PLCD1: variants seen among roughly 807,000 people sequenced by gnomAD.
PLCD1 encodes phospholipase C delta 1, also known as 1-phosphatidylinositol 4,5-bisphosphate phosphodiesterase delta-1.
A neutral mutation model predicts 87.4 loss-of-function variants in PLCD1; 71 were observed. The observed-to-expected ratio is 0.81, with a 90% CI of 0.67 to 0.99. The LOEUF (loss-of-function observed/expected upper bound fraction) is 0.99. Among genes scored for constraint, PLCD1 ranks in the 50% least tolerant of loss-of-function variants. PLCD1 has a pLI of 0.00. For missense variants in PLCD1, 867 were observed against 1,001.5 expected (o/e 0.87, Z 1.81); for synonymous variants, 348 against 399.2 (o/e 0.87, Z 1.53).
Position 38,011,455 on chromosome 3 carries a change from C to G in PLCD1, c.559-10G>C. 1.2e-6 allele frequency: 2 copies of G among 1,613,876 alleles called. No individual in the cohort carries two copies. The highest frequency in any genetic ancestry group is 1.7e-6 in the Non-Finnish European group (2 of 1,179,722). The stretch of plus-strand genomic sequence containing the variant: ...GGGAGTGGTCACACTCCTGCAGAGC[C>G]AGGACAGCCGAGTGGGCTCAGAGCA... On this transcript the variant is annotated splice_polypyrimidine_tract_variant and intron_variant, in intron 4 of 14. Coordinates refer to ENST00000334661, the MANE Select transcript of PLCD1 (RefSeq NM_006225.4).
chr3:38,011,766 G>T, intron 3 of PLCD1, 93 bp from the exon 4 acceptor site: 3 of 1,249,488 alleles, frequency 2.4e-6, no homozygotes, highest in East Asian at 2.3e-5. Flanking sequence ...GCCACCTATA[G>T]CCACAGCTCC....
intron 3 of PLCD1, among the ~76,000 whole-genome samples, chr3:38,012,516 G>GTTTTT (rs1207854387): frequency 1.5e-5 from 2 of 134,658 alleles, no homozygotes; most frequent in African/African-American, 2.7e-5. Flanking sequence ...TTAGAATGAA[G>GTTTTT]TTTTTTTTTT....
Position 38,025,295 on chromosome 3 carries a change from G to T in PLCD1, c.34+4211C>A, listed in dbSNP as rs1269747105. Among the ~76,000 whole-genome samples, 3 of 152,212 alleles carry T rather than the reference G, an allele frequency of 2.0e-5. No homozygotes were observed. The highest frequency in any genetic ancestry group is 7.2e-5 in the African/African-American group (3 of 41,460). ...GGTCTGACCAAGGAGCCGGAGCGGCGAATTCTAACGCCACCTTTGAGGCTG... is the reference window on the plus strand; with the variant it reads ...GGTCTGACCAAGGAGCCGGAGCGGCTAATTCTAACGCCACCTTTGAGGCTG... On this transcript the variant is annotated intron_variant, in intron 1 of 14. Coordinates refer to ENST00000334661, the MANE Select transcript of PLCD1 (RefSeq NM_006225.4). This position sits in a 1 kb window ranked among gnomAD's most constrained non-coding sequence, Gnocchi z 4.0.
At chr3:38,024,353 G>C (rs772670157) in intron 1 of PLCD1, 1 of 1,612,872 alleles carries the variant, frequency 6.2e-7, no homozygotes, top group South Asian at 1.1e-5. Flanking sequence ...TCCGTCCATT[G>C]AGCGCCGCCA....
At chr3:38,024,387 T>TAG in intron 1 of PLCD1, 1 of 1,612,868 alleles carries the variant, frequency 6.2e-7, no homozygotes, top group Non-Finnish European at 8.5e-7. Context: ...CTCCTGCAGG[T>TAG]AGAGCTCCCT....
At chr3:38,024,269 T>G (rs539967344) in intron 1 of PLCD1, 2 of 1,408,976 alleles carry the variant, frequency 1.4e-6, no homozygotes, top group Non-Finnish European at 2.0e-6. Context: ...AAGGGACAAG[T>G]GGTCGGCGTC....
At chr3:38,011,023 T>G (rs1700064328) in intron 5 of PLCD1, among the ~76,000 whole-genome samples, 191 bp downstream of exon 5, 2 of 152,078 alleles carry the variant, frequency 1.3e-5, no homozygotes, top group African/African-American at 4.8e-5. Flanking sequence ...CAGAGAAGGG[T>G]AGGGATGCCA....
Position 38,009,975 on chromosome 3 carries a change from G to A in PLCD1, c.1216C>T (p.His406Tyr). The A allele has an allele frequency of 6.2e-7, 1 of 1,613,972 alleles. No homozygotes were observed. Among genetic ancestry groups the A allele is most frequent in the South Asian group, 1.1e-5 (1 of 91,076 alleles). Reference sequence around the variant, plus strand: ...AACAGCATGGGGCCCAGGATGGCATGCAGGTGCCGCGCCATCACGCGCTGC... The same window carrying A: ...AACAGCATGGGGCCCAGGATGGCATACAGGTGCCGCGCCATCACGCGCTGC... ...EQQRVMARHL[H>Y]AILGPMLLNR... is the part of the protein sequence containing the mutation. Residue 406 changes from histidine to tyrosine, a missense_variant, in exon 8 of 15, where the codon CAT becomes TAT. By Grantham distance (83) the His-to-Tyr change is moderately conservative. Coordinates refer to ENST00000334661, the MANE Select transcript of PLCD1 (RefSeq NM_006225.4).
chr3:38,011,354 G>C lies in PLCD1; in HGVS notation c.650C>G (p.Thr217Ser), dbSNP rs116413867. The change falls in exon 5 of 15, where the codon ACC becomes AGC. Residue 217 changes from threonine to serine, a missense_variant. Transcript: ENST00000334661. ...CCCTGAGCCCGCGGCCTCGGCGAAG[G>C]TGCGGTCGATCTCCACCCGCTGGGT... The part of the protein sequence containing the change: ...MLTQRVEIDR[T>S]FAEAAGSGET... The C allele has an allele frequency of 1.9e-6, 3 of 1,612,772 alleles. No individual in the cohort carries two copies. The African/African-American group carries it at 4.0e-5, about 22-fold the overall frequency.
intron 3 of PLCD1, chr3:38,014,446 T>C (rs60847280): frequency 0.036 from 5,501 of 153,824 alleles, 140 homozygotes; most frequent in African/African-American, 0.075. Flanking sequence ...AATCCCAGAA[T>C]TTTGGATTAG....
rs762324329 is a variant in PLCD1 at position 38,020,323 on chromosome 3, G to A, written c.64C>T (p.Leu22=). 1.9e-6 allele frequency: 3 copies of A among 1,614,066 alleles called. No homozygotes were observed. In the South Asian group the frequency reaches 3.3e-5, roughly 18 times the overall value. Residue 22 remains leucine, a synonymous_variant, in exon 2 of 15, where the codon CTG becomes TTG. Transcript: ENST00000334661. The part of the protein sequence containing the change: ...GLQDDEDLQA[L]LKGSQLLKVK... ...TTCAGGAGCTGGCTGCCCTTCAGCA[G>A]CGCCTGTAGATCCTCATCATCCTGT... is the stretch of plus-strand genomic sequence containing the variant.
In PLCD1 at chr3:38,008,438, C is replaced by T; in HGVS notation, c.1902+20G>A. The T allele has an allele frequency of 6.2e-7, 1 of 1,614,018 alleles. No individual in the cohort carries two copies. The highest frequency in any genetic ancestry group is 8.5e-7 in the Non-Finnish European group (1 of 1,179,908). ...GGAAGGGAGGTCCGTGGGCACCTGT[C>T]CCTCCTAGGTCCAGCGTACCCTGAT... On this transcript the variant is annotated intron_variant, in intron 12 of 14. Coordinates refer to ENST00000334661, the MANE Select transcript of PLCD1 (RefSeq NM_006225.4).
At chr3:38,024,576 T>TG in intron 1 of PLCD1, 1 of 1,505,816 alleles carries the variant, frequency 6.6e-7, no homozygotes, top group Non-Finnish European at 8.9e-7. Context: ...AGTCCAGGAA[T>TG]GGGAGGGAGG....
chr3:38,016,439 C>T (rs1700155283), intron 3 of PLCD1, 52 bp downstream of exon 3: 8 of 1,301,144 alleles, frequency 6.1e-6, no homozygotes, highest in Non-Finnish European at 7.7e-6. Flanking sequence ...TGGGGATAAC[C>T]ACAGCCAGTG....
chr3:38,008,922 C>T, intron 11 of PLCD1, 120 bp downstream of exon 11: 1 of 802,138 alleles, frequency 1.2e-6, no homozygotes, highest in Non-Finnish European at 2.1e-6. Flanking sequence ...TCCACAAGCC[C>T]CTGCATTTGA....
chr3:38,013,927 A>G (rs550634873), intron 3 of PLCD1, among the ~76,000 whole-genome samples: 67 of 152,402 alleles, frequency 4.4e-4, no homozygotes, highest in African/African-American at 1.5e-3. Context: ...AGGAGTGGAC[A>G]TACACCAGCA....
chr3:38,024,461 G>A (rs1407648647), intron 1 of PLCD1: 8 of 1,599,914 alleles, frequency 5.0e-6, no homozygotes, highest in East Asian at 4.5e-5. Context: ...CTGCCTGCGC[G>A]GAGCCGGGTC....
rs774553125 is a variant in PLCD1, at chr3:38,010,009, T to C, written c.1182A>G (p.Thr394=). The C allele has an allele frequency of 4.3e-6, 7 of 1,614,138 alleles. No homozygotes were observed. The highest frequency in any genetic ancestry group is 3.3e-5 in the Admixed American group (2 of 60,020). The change falls in exon 8 of 15, where the codon ACA becomes ACG. Residue 394 remains threonine, a synonymous_variant. Coordinates refer to ENST00000334661, the MANE Select transcript of PLCD1 (RefSeq NM_006225.4). The part of the protein sequence containing the change: ...PVILSLENHC[T]LEQQRVMARH... Reference sequence around the variant, plus strand: ...GCGCCATCACGCGCTGCTGCTCCAGTGTGCAGTGGTTCTCCAGGGATAGGA... The same window carrying C: ...GCGCCATCACGCGCTGCTGCTCCAGCGTGCAGTGGTTCTCCAGGGATAGGA...
In PLCD1 at chr3:38,010,407, G is replaced by T; in HGVS notation, c.946C>A (p.Leu316Met). Residue 316 changes from leucine to methionine, a missense_variant, in exon 6 of 15, where the codon CTG becomes ATG. Transcript: ENST00000334661. ...CTGGGCCCGGCTAGCTGGTCCTCCA[G>T]CAGGTAGGTGTTGTGTGAAGAGGAC... ...LVSSSHNTYLLEDQLAGPSST... is the reference protein window; with the variant it reads ...LVSSSHNTYLMEDQLAGPSST... 1 of 1,614,224 alleles carries T rather than the reference G, an allele frequency of 6.2e-7. No individual in the cohort carries two copies. The highest frequency in any genetic ancestry group is 8.5e-7 in the Non-Finnish European group (1 of 1,180,044).
Sources: allele counts gnomAD v4.1 joint callset (sites outside exome capture counted in the v4.1 genomes callset), GRCh38; gene constraint gnomAD v4.1.1; non-coding constraint Gnocchi (gnomAD v3.1); transcripts MANE v1.5; gene names NCBI Gene and HGNC (gene_info 2026-07-23, HGNC 2026-07-21).